The following CDHR3 variants were observed in gnomAD, a reference collection of about 807,000 sequenced individuals.
CDHR3 encodes cadherin related family member 3, also known as cadherin-related family member 3.
In CDHR3, 79 loss-of-function variants were observed where a neutral mutation model predicts 86.6. That is an observed-to-expected ratio of 0.91 (90% CI 0.76 to 1.10). The LOEUF is 1.10. CDHR3 is among the 50% of genes least tolerant of loss of function. The probability of loss-of-function intolerance (pLI) is 0.00; values close to 1 mark genes in which losing one functional copy is unlikely to be tolerated. For synonymous variants in CDHR3, 421 were observed against 402.4 expected (o/e 1.05, Z -0.55); for missense variants, 1,081 against 1,077.6 (o/e 1.00, Z -0.04).
At chr7:105,997,242 C>T (rs1432490932) in intron 6 of CDHR3, among the ~76,000 whole-genome samples, 1 of 152,310 alleles carries the variant, frequency 6.6e-6, no homozygotes, top group South Asian at 2.1e-4. Flanking sequence ...TTAAGGCAAC[C>T]TCACTCCCAG....
At chr7:105,989,784 C>T (rs1350767002) in intron 4 of CDHR3, among the ~76,000 whole-genome samples, 1 of 152,124 alleles carries the variant, frequency 6.6e-6, no homozygotes, top group Non-Finnish European at 1.5e-5. Context: ...GGTCTCCTGA[C>T]CCACCTCCCT....
chr7:105,980,875 G>A, intron 2 of CDHR3, 93 bp from the exon 3 acceptor site: 2 of 1,191,876 alleles, frequency 1.7e-6, no homozygotes, highest in South Asian at 3.0e-5. Flanking sequence ...GATGCCAGAT[G>A]CTTCCTTCCT....
intron 8 of CDHR3, among the ~76,000 whole-genome samples, chr7:106,009,621 C>T (rs1585743226): frequency 6.6e-6 from 1 of 152,310 alleles, no homozygotes; most frequent in East Asian, 1.9e-4. Flanking sequence ...GTGTGCTGTG[C>T]TCCCGCAGGG....
intron 4 of CDHR3, among the ~76,000 whole-genome samples, chr7:105,985,822 G>A (rs1292670858): frequency 7.1e-6 from 1 of 141,674 alleles, no homozygotes; most frequent in Non-Finnish European, 1.6e-5. Flanking sequence ...ATACTAGTTA[G>A]GAATGTGTTT....
At chr7:105,977,739 C>A (rs1309397785) in intron 2 of CDHR3, among the ~76,000 whole-genome samples, 1 of 152,290 alleles carries the variant, frequency 6.6e-6, no homozygotes, top group East Asian at 1.9e-4. Context: ...CTTGGATAGC[C>A]TTGACATTCT....
At chr7:106,031,402 T>A (rs1838341406) in intron 18 of CDHR3, among the ~76,000 whole-genome samples, 1 of 152,146 alleles carries the variant, frequency 6.6e-6, no homozygotes, top group South Asian at 2.1e-4. Context: ...CAAATTTAGC[T>A]CCTTTACACT....
intron 4 of CDHR3, among the ~76,000 whole-genome samples, chr7:105,993,029 A>G (rs959006601): frequency 2.6e-5 from 4 of 152,254 alleles, no homozygotes; most frequent in African/African-American, 9.6e-5. Context: ...AGCAGCGATC[A>G]TAACACAGCA....
intron 8 of CDHR3, among the ~76,000 whole-genome samples, chr7:106,007,145 G>A (rs543235603): frequency 6.6e-6 from 1 of 152,198 alleles, no homozygotes; most frequent in African/African-American, 2.4e-5. Flanking sequence ...GGGATGCAGG[G>A]CACCAAGTCC....
chr7:106,022,076 C>T, intron 13 of CDHR3, 122 bp from the exon 14 acceptor site: 1 of 1,193,556 alleles, frequency 8.4e-7, no homozygotes, highest in Non-Finnish European at 1.2e-6. Flanking sequence ...GTATCAGAGA[C>T]ACAGTCTACA....
At chr7:105,996,700 A>G (rs62481268) in intron 6 of CDHR3, among the ~76,000 whole-genome samples, 211 of 152,310 alleles carry the variant, frequency 1.4e-3, no homozygotes, top group Non-Finnish European at 2.5e-3. Context: ...GCAGAGTCCC[A>G]GAGCATGCAT....
intron 1 of CDHR3, among the ~76,000 whole-genome samples, chr7:105,970,488 T>C (rs538861362): frequency 7.2e-4 from 110 of 152,358 alleles, no homozygotes; most frequent in African/African-American, 2.5e-3. Context: ...TTAATTAAGA[T>C]GCATGTGTAA....
rs752157775 is a variant in CDHR3, at chr7:106,030,753, G to T, written c.2305-39G>T. On this transcript the variant is annotated intron_variant, in intron 17 of 18. Coordinates refer to ENST00000317716, the MANE Select transcript of CDHR3 (RefSeq NM_152750.5). This position sits in a 1 kb window ranked among gnomAD's most constrained non-coding sequence, Gnocchi z 4.8. ...TGTAGCTTTGCCTGGGGGAAGGAAT[G>T]TAGGATTGTGTTTGATGCTGTCTCT... 6.3e-7 allele frequency: 1 copy of T among 1,593,348 alleles called. No homozygotes were observed. The highest frequency in any genetic ancestry group is 1.1e-5 in the South Asian group (1 of 88,304).
intron 12 of CDHR3, among the ~76,000 whole-genome samples, chr7:106,019,287 A>T (rs1462802327): frequency 3.3e-5 from 5 of 152,140 alleles, no homozygotes; most frequent in Non-Finnish European, 7.3e-5. Flanking sequence ...GCTTCCTCCG[A>T]TAACTTGCTT....
intron 3 of CDHR3, among the ~76,000 whole-genome samples, chr7:105,982,556 C>T (rs549538803): frequency 5.3e-5 from 8 of 152,160 alleles, no homozygotes; most frequent in African/African-American, 1.4e-4. Flanking sequence ...CCTCCTTTCC[C>T]CTTCTCCCCC....
chr7:106,016,037 A>T lies in CDHR3; in HGVS notation c.1426+12A>T. ...AGAAAGAAGGCCCGGTAAGTAACAG[A>T]TAAGACACAGACCAGAGTGCTGTCA... On this transcript the variant is annotated intron_variant, in intron 11 of 18. Transcript: ENST00000317716. 6.4e-7 allele frequency: 1 copy of T among 1,567,776 alleles called. No individual in the cohort carries two copies. The highest frequency in any genetic ancestry group is 8.8e-7 in the Non-Finnish European group (1 of 1,142,728).
At chr7:106,026,773 C>A in intron 16 of CDHR3, 78 bp downstream of exon 16, 1 of 1,460,782 alleles carries the variant, frequency 6.8e-7, no homozygotes, top group Non-Finnish European at 9.6e-7. Flanking sequence ...TCCTACTCGG[C>A]AAAGAATCAG....
chr7:105,967,977 A>G (rs2115597059), intron 1 of CDHR3, among the ~76,000 whole-genome samples: 1 of 152,262 alleles, frequency 6.6e-6, no homozygotes, highest in Middle Eastern at 3.4e-3. Flanking sequence ...CGATTTGACA[A>G]TTTTGCCTTA....
rs1455425293 is a variant in CDHR3, at chr7:106,035,585, T to C, written c.*2888T>C. 3.3e-5 allele frequency among the ~76,000 whole-genome samples: 5 copies of C among 152,202 alleles called. No individual in the cohort carries two copies. The highest frequency in any genetic ancestry group is 1.2e-4 in the African/African-American group (5 of 41,450). On this transcript the variant is annotated 3_prime_UTR_variant, in exon 19 of 19. Transcript: ENST00000317716. ...ACACTCCACAGTGTGGGAACGGGCC[T>C]GAGCAAGTGACTCAAGGGCCCAGAT...
At chr7:106,018,158 A>G in intron 12 of CDHR3, 86 bp downstream of exon 12, 1 of 1,016,944 alleles carries the variant, frequency 9.8e-7, no homozygotes, top group Non-Finnish European at 1.5e-6. Context: ...GGATGTGGCA[A>G]TGAGGAAACT....
Sources: gnomAD v4.1 joint callset for allele counts (sites outside exome capture counted in the v4.1 genomes callset) on GRCh38, gnomAD v4.1.1 for gene constraint, Gnocchi (gnomAD v3.1) non-coding constraint, MANE v1.5 for transcripts, NCBI Gene and HGNC (gene_info 2026-07-23, HGNC 2026-07-21) for gene names.